ALG9: variants seen among roughly 807,000 people sequenced by gnomAD.
ALG9 encodes ALG9 alpha-1,2-mannosyltransferase, also known as alpha-1,2-mannosyltransferase ALG9.
Under a neutral mutation model 81.8 loss-of-function variants are expected in ALG9, and 55 were observed. The observed-to-expected ratio is 0.67, with a 90% CI of 0.54 to 0.84. The LOEUF (loss-of-function observed/expected upper bound fraction) is 0.84, where lower values mean the gene tolerates loss of function less well. Among genes scored for constraint, ALG9 ranks in the 40% least tolerant of loss-of-function variants. ALG9 has a pLI of 0.00. For synonymous variants in ALG9, 278 were observed against 274.3 expected (o/e 1.01, Z -0.13); for missense variants, 629 against 745.0 (o/e 0.84, Z 1.81).
chr11:111,855,997 GGC>G (rs1958602275), intron 6 of ALG9, among the ~76,000 whole-genome samples: 1 of 152,066 alleles, frequency 6.6e-6, no homozygotes, highest in Non-Finnish European at 1.5e-5. Flanking sequence ...ATGTTCACTG[GGC>G]CGGACACGAT....
At chr11:111,854,442 T>G (rs781895227) in intron 6 of ALG9, among the ~76,000 whole-genome samples, 1 of 152,028 alleles carries the variant, frequency 6.6e-6, no homozygotes, top group Admixed American at 6.6e-5. Flanking sequence ...CTAATTGTTT[T>G]GTATTTTTAG....
chr11:111,802,742 T>C (rs1272616101), intron 14 of ALG9, among the ~76,000 whole-genome samples: 3 of 152,166 alleles, frequency 2.0e-5, no homozygotes, highest in Non-Finnish European at 4.4e-5. Context: ...TATACAAAAG[T>C]GAAGAAGAGA....
intron 8 of ALG9, among the ~76,000 whole-genome samples, chr11:111,853,080 TAA>T (rs200952010): frequency 5.1e-4 from 71 of 140,416 alleles, no homozygotes; most frequent in East Asian, 1.2e-3. Context: ...AACTTTTAAT[TAA>T]AAAAAAAAAA....
In ALG9 at chr11:111,835,166, T is replaced by C. The variant is rs369830415; in HGVS notation, c.1602+999A>G. Reference sequence around the variant, plus strand: ...GACATAAGAAAATGTAAATTAAATATAGCTGACATTTAAACTGTTACATAT... The same window carrying C: ...GACATAAGAAAATGTAAATTAAATACAGCTGACATTTAAACTGTTACATAT... On this transcript the variant is annotated intron_variant, in intron 13 of 14. Transcript: ENST00000616540. 1.1e-4 allele frequency among the ~76,000 whole-genome samples: 17 copies of C among 152,240 alleles called. No individual in the cohort carries two copies. The East Asian group carries it at 1.7e-3, about 15-fold the overall frequency.
In ALG9 at chr11:111,783,665, T is replaced by C. The variant is rs558458258; in HGVS notation, c.*2732A>G. On this transcript the variant is annotated 3_prime_UTR_variant, in exon 15 of 15. Coordinates refer to ENST00000616540, the MANE Select transcript of ALG9 (RefSeq NM_024740.2). ...AAGCTATCCTTCCTATACTAAAAAG[T>C]GATGGAGATTTTTTAAAATGTGTTT... 1.1e-4 allele frequency: 16 copies of C among 152,252 alleles called. No homozygotes were observed. Among genetic ancestry groups the C allele is most frequent in the Middle Eastern group, 3.4e-3 (1 of 294 alleles). The allele number at this position is 152,252 out of a possible 1,614,324, so 9.4% of individuals were successfully genotyped here. A position where few individuals can be genotyped will look rare whatever the true frequency, so the allele number is the denominator to read the frequency against.
chr11:111,807,687 T>C (rs1167795492), intron 14 of ALG9, among the ~76,000 whole-genome samples: 1 of 152,134 alleles, frequency 6.6e-6, no homozygotes, highest in Admixed American at 6.6e-5. Context: ...CAAAAAAATT[T>C]GTTAAGGGCC....
intron 4 of ALG9, among the ~76,000 whole-genome samples, chr11:111,862,327 G>C (rs1173696706): frequency 6.7e-6 from 1 of 148,496 alleles, no homozygotes; most frequent in Non-Finnish European, 1.5e-5. Flanking sequence ...TCCGTCTCTT[G>C]AGTTCAAGTG....
intron 1 of ALG9, 184 bp downstream of exon 1, chr11:111,871,168 T>C: frequency 7.7e-7 from 1 of 1,292,494 alleles, no homozygotes; most frequent in Admixed American, 4.3e-5. Flanking sequence ...GGATCTAAGG[T>C]GGGCGAAGAC....
chr11:111,855,629 C>T (rs186953286), intron 6 of ALG9, among the ~76,000 whole-genome samples: 23 of 152,140 alleles, frequency 1.5e-4, no homozygotes, highest in African/African-American at 5.3e-4. Flanking sequence ...AATAGAAACA[C>T]AAGTAAAGGA....
At chr11:111,870,140 G>T in intron 2 of ALG9, 92 bp downstream of exon 2, 2 of 1,332,916 alleles carry the variant, frequency 1.5e-6, no homozygotes, top group Non-Finnish European at 2.0e-6. Context: ...TTTACTAGGA[G>T]TCACACTTGT....
chr11:111,782,974 A>G lies in ALG9; in HGVS notation c.*3423T>C, dbSNP rs78243190. The G allele has an allele frequency of 1.7e-3, 254 of 152,360 alleles. 1 individual carries two copies. The highest frequency in any genetic ancestry group is 6.0e-3 in the African/African-American group (249 of 41,586). The allele number at this position is 152,360 out of a possible 1,614,324, so 9.4% of individuals were successfully genotyped here. On this transcript the variant is annotated 3_prime_UTR_variant, in exon 15 of 15. Coordinates refer to ENST00000616540, the MANE Select transcript of ALG9 (RefSeq NM_024740.2). ...AAAATAACCTGTCTTCTTTCTTATC[A>G]GATGACACCTACCAGGTAGGAGGTA...
rs1487915022 is a variant in ALG9 at position 111,783,177 on chromosome 11, C to G, written c.*3220G>C. The G allele has an allele frequency of 6.6e-6, 1 of 152,242 alleles. No homozygotes were observed. The highest frequency in any genetic ancestry group is 1.5e-5 in the Non-Finnish European group (1 of 68,106). The allele number at this position is 152,242 out of a possible 1,614,324, so 9.4% of individuals were successfully genotyped here. ...CAAAGGCTATTAAAAATTATCTGGG[C>G]CGGGTGCGGTGGCTCATGCCTGTAA... On this transcript the variant is annotated 3_prime_UTR_variant, in exon 15 of 15. Coordinates refer to ENST00000616540, the MANE Select transcript of ALG9 (RefSeq NM_024740.2).
At chr11:111,795,030 T>C (rs1464974302) in intron 14 of ALG9, among the ~76,000 whole-genome samples, 1 of 152,204 alleles carries the variant, frequency 6.6e-6, no homozygotes, top group Admixed American at 6.5e-5. Flanking sequence ...ATTCTAATGG[T>C]AACTAATGCA....
At chr11:111,790,319 T>TCAA (rs1947209220) in intron 14 of ALG9, among the ~76,000 whole-genome samples, 1 of 152,092 alleles carries the variant, frequency 6.6e-6, no homozygotes, top group Admixed American at 6.6e-5. Context: ...GAGGCAAGAC[T>TCAA]CTGTCTCAAA....
At chr11:111,823,853 T>TG (rs780326878) in intron 13 of ALG9, among the ~76,000 whole-genome samples, 1 of 152,228 alleles carries the variant, frequency 6.6e-6, no homozygotes, top group Non-Finnish European at 1.5e-5. Flanking sequence ...CCACTGAGCT[T>TG]GGATTCAATG....
chr11:111,774,069 TAAAAAAAAAAAA>T, the ALG9 span, among the ~76,000 whole-genome samples: 17 of 69,732 alleles, frequency 2.4e-4, no homozygotes, highest in African/African-American at 9.4e-4. Context: ...CATATCTTAT[TAAAAAAAAAAAA>T]AAAAAAAAAA....
chr11:111,814,405 A>C (rs1350171075), intron 13 of ALG9, among the ~76,000 whole-genome samples: 1 of 152,172 alleles, frequency 6.6e-6, no homozygotes, highest in African/African-American at 2.4e-5. Flanking sequence ...TAGGTGATCA[A>C]AAGGAATTCT....
chr11:111,825,892 AT>A (rs1555107906), intron 13 of ALG9, among the ~76,000 whole-genome samples: 1 of 151,600 alleles, frequency 6.6e-6, no homozygotes, highest in African/African-American at 2.4e-5. Context: ...GAGAAACGCC[AT>A]CTCTACTAAA....
At chr11:111,790,646 A>G (rs1947260628) in intron 14 of ALG9, among the ~76,000 whole-genome samples, 1 of 152,266 alleles carries the variant, frequency 6.6e-6, no homozygotes, top group Non-Finnish European at 1.5e-5. Context: ...TCCTGCGATC[A>G]GTAAGACAAT....
Sources: allele counts gnomAD v4.1 joint callset (sites outside exome capture counted in the v4.1 genomes callset), GRCh38; gene constraint gnomAD v4.1.1; transcripts MANE v1.5; gene names NCBI Gene and HGNC (gene_info 2026-07-23, HGNC 2026-07-21).